Variants in ARHGAP26 observed in about 807,000 individuals in gnomAD.
ARHGAP26 encodes the protein Rho GTPase activating protein 26.
Under a neutral mutation model 104.8 loss-of-function variants are expected in ARHGAP26, and 38 were observed. That is an observed-to-expected ratio of 0.36 (90% CI 0.28 to 0.48). ARHGAP26 has a LOEUF of 0.48. Among genes scored for constraint, ARHGAP26 ranks in the 20% least tolerant of loss-of-function variants. ARHGAP26 has a pLI of 0.99. For synonymous variants in ARHGAP26, 341 were observed against 340.0 expected, an observed-to-expected ratio of 1.00 and a Z score of -0.03; for missense variants, 704 against 947.9, an observed-to-expected ratio of 0.74 and a Z score of 3.38.
At chr5:142,865,666 T>C (rs1754150888) in intron 1 of ARHGAP26, among the ~76,000 whole-genome samples, 1 of 152,154 alleles carries the variant, frequency 6.6e-6, no homozygotes, top group South Asian at 2.1e-4. Context: ...TTACAGTAGG[T>C]GTCTCCAACA....
chr5:142,826,440 A>C (rs1185093194), intron 1 of ARHGAP26, among the ~76,000 whole-genome samples: 3 of 152,250 alleles, frequency 2.0e-5, no homozygotes, highest in African/African-American at 7.2e-5. Flanking sequence ...AAATAAGTTT[A>C]AAGAGGGGTA....
intron 22 of ARHGAP26, among the ~76,000 whole-genome samples, chr5:143,219,482 A>G (rs1455359210): frequency 6.6e-6 from 1 of 152,244 alleles, no homozygotes; most frequent in Non-Finnish European, 1.5e-5. Flanking sequence ...TGAACAGCAT[A>G]TAAATAGGAC....
At chr5:142,865,955 G>T (rs570743849) in intron 1 of ARHGAP26, among the ~76,000 whole-genome samples, 12 of 151,938 alleles carry the variant, frequency 7.9e-5, no homozygotes, top group Non-Finnish European at 1.8e-4. Context: ...GACTGCTTCC[G>T]CTTCCCTTTT....
At chr5:143,042,697 G>GGGACA (rs1783655939) in intron 14 of ARHGAP26, among the ~76,000 whole-genome samples, 1 of 152,218 alleles carries the variant, frequency 6.6e-6, no homozygotes, top group Non-Finnish European at 1.5e-5. Context: ...GTTTTGGACA[G>GGGACA]GGACAGTTCT....
At chr5:143,091,986 T>C (rs1791500562) in intron 17 of ARHGAP26, among the ~76,000 whole-genome samples, 1 of 152,226 alleles carries the variant, frequency 6.6e-6, no homozygotes, top group Non-Finnish European at 1.5e-5. Context: ...ACTTTCCTTA[T>C]ACACCTTGCA....
intron 20 of ARHGAP26, among the ~76,000 whole-genome samples, chr5:143,174,906 C>T (rs1177529164): frequency 6.6e-6 from 1 of 152,144 alleles, no homozygotes; most frequent in African/African-American, 2.4e-5. Context: ...CTGATAAGTA[C>T]ACATGGGCAG....
Position 142,992,194 on chromosome 5 carries a change from G to A in ARHGAP26, c.1108-21886G>A, listed in dbSNP as rs182460853. Among the ~76,000 whole-genome samples the A allele has an allele frequency of 1.8e-3, 274 of 151,896 alleles. 1 individual carries two copies. The highest frequency in any genetic ancestry group is 3.9e-3 in the Admixed American group (59 of 15,278). ...TAATTACTCTTTCTGTATTAAGGCT[G>A]TGAGATACTTTATGCATCCTATCTT... On this transcript the variant is annotated intron_variant, in intron 11 of 22. Transcript: ENST00000645722.
At chr5:142,782,067 T>C (rs561378889) in intron 1 of ARHGAP26, among the ~76,000 whole-genome samples, 1 of 152,274 alleles carries the variant, frequency 6.6e-6, no homozygotes, top group Non-Finnish European at 1.5e-5. Flanking sequence ...AGAGAACACA[T>C]AGTCAGCAGC....
At chr5:142,894,173 T>C (rs1759136447) in intron 5 of ARHGAP26, 65 bp from the exon 6 acceptor site, 2 of 1,363,824 alleles carry the variant, frequency 1.5e-6, no homozygotes, top group African/African-American at 1.4e-5. Flanking sequence ...TTTTCTGACC[T>C]GCTTTCGGAA....
chr5:142,858,263 T>A (rs1181662166), intron 1 of ARHGAP26, among the ~76,000 whole-genome samples: 1 of 152,234 alleles, frequency 6.6e-6, no homozygotes, highest in Non-Finnish European at 1.5e-5. Context: ...ACTGTTTAGA[T>A]ACACACATGC....
intron 22 of ARHGAP26, among the ~76,000 whole-genome samples, chr5:143,220,342 T>C (rs935728438): frequency 6.6e-6 from 1 of 152,240 alleles, no homozygotes; most frequent in Middle Eastern, 3.2e-3. Context: ...GGGGTCTTGC[T>C]GAGCAGTCCC....
intron 17 of ARHGAP26, among the ~76,000 whole-genome samples, chr5:143,067,143 G>A (rs969459896): frequency 3.3e-5 from 5 of 152,048 alleles, no homozygotes; most frequent in African/African-American, 9.7e-5. Context: ...GGGGGATGGC[G>A]CGTTATATCA....
intron 5 of ARHGAP26, among the ~76,000 whole-genome samples, chr5:142,887,842 G>A (rs1415787808): frequency 6.6e-6 from 1 of 152,158 alleles, no homozygotes; most frequent in East Asian, 1.9e-4. Context: ...GTGGGTGCCT[G>A]TAGTCCCAGC....
At chr5:143,185,888 C>T (rs921622205) in intron 20 of ARHGAP26, among the ~76,000 whole-genome samples, 3 of 152,214 alleles carry the variant, frequency 2.0e-5, no homozygotes, top group African/African-American at 4.8e-5. Context: ...CCCACTTGAC[C>T]TTGCATCCCC....
At chr5:142,851,199 C>T (rs571433535) in intron 1 of ARHGAP26, among the ~76,000 whole-genome samples, 10 of 151,476 alleles carry the variant, frequency 6.6e-5, no homozygotes, top group Admixed American at 3.3e-4. Flanking sequence ...CGAGTTAAAG[C>T]GATTTTTCTG....
chr5:142,844,854 CAAA>C (rs550211748), intron 1 of ARHGAP26, among the ~76,000 whole-genome samples: 9 of 80,584 alleles, frequency 1.1e-4, no homozygotes, highest in Admixed American at 2.8e-4. Flanking sequence ...GACTGCGTCT[CAAA>C]AAAAAAAAAA....
chr5:143,085,763 A>G (rs1014826472), intron 17 of ARHGAP26, among the ~76,000 whole-genome samples: 2 of 152,198 alleles, frequency 1.3e-5, no homozygotes, highest in Non-Finnish European at 2.9e-5. Context: ...TTAGCTGAGG[A>G]TTCCCAGCCC....
chr5:143,076,268 G>C (rs1458811847), intron 17 of ARHGAP26, among the ~76,000 whole-genome samples: 1 of 151,520 alleles, frequency 6.6e-6, no homozygotes, highest in Non-Finnish European at 1.5e-5. Context: ...AAAATGCTGG[G>C]ACTACAAGAA....
At chr5:143,154,854 T>A (rs258805) in intron 20 of ARHGAP26, among the ~76,000 whole-genome samples, 58,452 of 150,804 alleles carry the variant, frequency 0.39, 11,580 homozygotes, top group Middle Eastern at 0.61. Flanking sequence ...TTCATAGCAT[T>A]TTTTTTTTTA....
Sources: gnomAD v4.1 joint callset for allele counts (sites outside exome capture counted in the v4.1 genomes callset) on GRCh38, gnomAD v4.1.1 for gene constraint, MANE v1.5 for transcripts, NCBI Gene and HGNC (gene_info 2026-07-23, HGNC 2026-07-21) for gene names.